The following LRRC7 variants were observed in gnomAD, a reference collection of about 807,000 sequenced individuals.
The protein encoded by LRRC7 is leucine-rich repeat-containing protein 7.
In LRRC7, 23 loss-of-function variants were observed where a neutral mutation model predicts 175.7. The ratio of observed to expected loss-of-function variants is 0.13; its 90% CI spans 0.09 to 0.19. LRRC7 has a LOEUF of 0.19. LRRC7 is among the 10% of genes least tolerant of loss of function. The pLI is 1.00. For synonymous variants in LRRC7, 685 were observed against 680.9 expected (o/e 1.01, Z -0.09); for missense variants, 1,354 against 1,904.7 (o/e 0.71, Z 5.38).
At chr1:70,029,428 G>A (rs957571844) in intron 18 of LRRC7, among the ~76,000 whole-genome samples, 1 of 152,046 alleles carries the variant, frequency 6.6e-6, no homozygotes, top group African/African-American at 2.4e-5. Flanking sequence ...AATAAGCATA[G>A]TGTGCACATC....
intron 7 of LRRC7, among the ~76,000 whole-genome samples, chr1:69,903,092 C>A (rs1646184990): frequency 6.6e-6 from 1 of 152,128 alleles, no homozygotes; most frequent in Non-Finnish European, 1.5e-5. Context: ...CAAATGATAA[C>A]CATGGCAAAA....
intron 7 of LRRC7, among the ~76,000 whole-genome samples, chr1:69,910,996 C>A (rs182780131): frequency 9.2e-5 from 14 of 152,188 alleles, no homozygotes; most frequent in Admixed American, 6.5e-5. Context: ...TAGGACCCTC[C>A]GAGTCATGTG....
At chr1:69,759,046 G>A (rs1670746388) in intron 2 of LRRC7, among the ~76,000 whole-genome samples, 1 of 151,898 alleles carries the variant, frequency 6.6e-6, no homozygotes, top group Admixed American at 6.6e-5. Flanking sequence ...CCTGATACAT[G>A]GGGAAATAGC....
intron 1 of LRRC7, among the ~76,000 whole-genome samples, chr1:69,577,959 A>G (rs1462272187): frequency 6.6e-6 from 1 of 152,118 alleles, no homozygotes; most frequent in Non-Finnish European, 1.5e-5. Flanking sequence ...GAATCTATAA[A>G]TTACCTTGGG....
chr1:69,991,403 A>G (rs1187708921), intron 10 of LRRC7, among the ~76,000 whole-genome samples: 2 of 152,082 alleles, frequency 1.3e-5, no homozygotes, highest in East Asian at 3.9e-4. Flanking sequence ...TCTCAAAGTA[A>G]CTGTTGTAGT....
chr1:69,851,219 G>T (rs76484547), intron 7 of LRRC7, among the ~76,000 whole-genome samples: 13 of 152,180 alleles, frequency 8.5e-5, no homozygotes, highest in African/African-American at 2.6e-4. Flanking sequence ...TTTTAGTAGC[G>T]CATTATGTGC....
chr1:70,019,064 AG>A (rs1158236828), intron 15 of LRRC7, among the ~76,000 whole-genome samples: 1 of 152,074 alleles, frequency 6.6e-6, no homozygotes, highest in East Asian at 1.9e-4. Flanking sequence ...GTTGATTTTT[AG>A]GAGCAACTAT....
chr1:69,872,750 T>G (rs1685677887), intron 7 of LRRC7, among the ~76,000 whole-genome samples: 1 of 152,146 alleles, frequency 6.6e-6, no homozygotes. Flanking sequence ...GGAAGAATAA[T>G]TATTTGTTTA....
In LRRC7 at chr1:70,136,036, T is replaced by C. The variant is rs181266468; in HGVS notation, c.*14149T>C. ...TCCCAGAGAAATTCAAACTTGGGAA[T>C]TAATATCTCTCTCTCTCTGTGTGTG... On this transcript the variant is annotated 3_prime_UTR_variant, in exon 27 of 27. Coordinates refer to ENST00000651989, the MANE Select transcript of LRRC7 (RefSeq NM_001370785.2). Among the ~76,000 whole-genome samples, 1 of 147,190 alleles carries C rather than the reference T, an allele frequency of 6.8e-6. No homozygotes were observed. The highest frequency in any genetic ancestry group is 2.5e-5 in the African/African-American group (1 of 39,418).
intron 7 of LRRC7, among the ~76,000 whole-genome samples, chr1:69,876,851 G>A (rs1309330831): frequency 2.0e-5 from 3 of 152,106 alleles, no homozygotes; most frequent in Admixed American, 1.3e-4. Flanking sequence ...GTCTGATAAG[G>A]AACAGAGACA....
At chr1:69,853,676 G>C (rs11209557) in intron 7 of LRRC7, among the ~76,000 whole-genome samples, 85,069 of 151,930 alleles carry the variant, frequency 0.56, 23,961 homozygotes, top group East Asian at 0.7. Context: ...AGAGTCTAAT[G>C]CAAGATGAAG....
intron 8 of LRRC7, among the ~76,000 whole-genome samples, chr1:69,976,355 A>G (rs1420977617): frequency 6.6e-6 from 1 of 152,216 alleles, no homozygotes; most frequent in Non-Finnish European, 1.5e-5. Context: ...AGGCTAAGCC[A>G]GTCTACCCTT....
At chr1:69,931,647 G>A in intron 8 of LRRC7, 77 bp downstream of exon 8, 4 of 1,177,014 alleles carry the variant, frequency 3.4e-6, no homozygotes, top group Non-Finnish European at 3.8e-6. Context: ...TGTAAACCAA[G>A]GTATTAACTT....
intron 7 of LRRC7, among the ~76,000 whole-genome samples, chr1:69,847,842 C>G (rs1005548748): frequency 6.6e-6 from 1 of 152,112 alleles, no homozygotes; most frequent in African/African-American, 2.4e-5. Flanking sequence ...TTAAAACATA[C>G]CAAGGCACAT....
intron 1 of LRRC7, among the ~76,000 whole-genome samples, chr1:69,590,476 T>C (rs546213913): frequency 6.6e-6 from 1 of 152,212 alleles, no homozygotes; most frequent in South Asian, 2.1e-4. Context: ...ATATCAACAA[T>C]AAATGCAACA....
intron 18 of LRRC7, among the ~76,000 whole-genome samples, chr1:70,029,685 A>G (rs374484607): frequency 6.6e-6 from 1 of 152,268 alleles, no homozygotes; most frequent in East Asian, 1.9e-4. Context: ...ATACATACAT[A>G]TACGTTTTAT....
chr1:70,111,218 T>A (rs995153306), intron 26 of LRRC7, among the ~76,000 whole-genome samples: 3 of 152,248 alleles, frequency 2.0e-5, no homozygotes, highest in Non-Finnish European at 4.4e-5. Flanking sequence ...TCTTTCTCTA[T>A]AATTCTTTAT....
At chr1:69,699,839 C>T (rs1663113818) in intron 2 of LRRC7, among the ~76,000 whole-genome samples, 1 of 152,148 alleles carries the variant, frequency 6.6e-6, no homozygotes, top group Non-Finnish European at 1.5e-5. Flanking sequence ...CTCGCATAAC[C>T]CACTGACATC....
intron 7 of LRRC7, among the ~76,000 whole-genome samples, chr1:69,901,941 G>T (rs954625377): frequency 6.6e-6 from 1 of 151,848 alleles, no homozygotes; most frequent in African/African-American, 2.4e-5. Context: ...TGACTTCTGG[G>T]TATCATGATT....
Sources: allele counts gnomAD v4.1 joint callset (sites outside exome capture counted in the v4.1 genomes callset), GRCh38; gene constraint gnomAD v4.1.1; transcripts MANE v1.5; gene names NCBI Gene and HGNC (gene_info 2026-07-23, HGNC 2026-07-21).